The following PCDH15 variants were observed in gnomAD, a reference collection of about 807,000 sequenced individuals.
PCDH15 encodes the protein protocadherin-15.
In PCDH15, 129 loss-of-function variants were observed where a neutral mutation model predicts 178.5. The observed-to-expected ratio is 0.72, with a 90% CI of 0.63 to 0.84. The LOEUF (loss-of-function observed/expected upper bound fraction) is 0.84, where lower values mean the gene tolerates loss of function less well. PCDH15 is among the 40% of genes least tolerant of loss of function. PCDH15 has a pLI of 0.00. For synonymous variants in PCDH15, 800 were observed against 732.0 expected (o/e 1.09, Z -1.50); for missense variants, 2,230 against 2,099.9 (o/e 1.06, Z -1.21).
chr10:54,357,232 C>G (rs557207168), intron 5 of PCDH15, among the ~76,000 whole-genome samples: 1 of 152,232 alleles, frequency 6.6e-6, no homozygotes, highest in African/African-American at 2.4e-5. Context: ...TCCCTGTTTG[C>G]AGATGATGAC....
intron 26 of PCDH15, among the ~76,000 whole-genome samples, chr10:53,883,289 C>A (rs1225678800): frequency 6.6e-6 from 1 of 151,998 alleles, no homozygotes; most frequent in Non-Finnish European, 1.5e-5. Flanking sequence ...TTGTCATTAG[C>A]CAGCCATTAA....
At chr10:54,109,289 G>A (rs573213377) in intron 15 of PCDH15, among the ~76,000 whole-genome samples, 3 of 152,288 alleles carry the variant, frequency 2.0e-5, no homozygotes, top group Non-Finnish European at 4.4e-5. Context: ...TGCACTCCGT[G>A]TTTATTGCAG....
intron 20 of PCDH15, 128 bp from the exon 21 acceptor site, chr10:53,995,893 C>CCATTACTCTCATTT: frequency 2.4e-6 from 2 of 831,758 alleles, no homozygotes; most frequent in Non-Finnish European, 4.0e-6. Context: ...CCTCTCAATT[C>CCATTACTCTCATTT]CATTACTCTC....
chr10:54,327,176 C>T (rs1938311268), intron 7 of PCDH15, among the ~76,000 whole-genome samples: 1 of 106,174 alleles, frequency 9.4e-6, no homozygotes, highest in South Asian at 2.8e-4. Flanking sequence ...AAAATTATAT[C>T]TTTTTAATTG....
chr10:55,469,970 T>A (rs985458929), intron 2 of PCDH15, among the ~76,000 whole-genome samples: 1 of 152,164 alleles, frequency 6.6e-6, no homozygotes, highest in African/African-American at 2.4e-5. Flanking sequence ...TTCCACTTTT[T>A]AAAAATATTG....
At chr10:54,259,835 T>TAGTAAG (rs2057182525) in intron 8 of PCDH15, among the ~76,000 whole-genome samples, 1 of 152,126 alleles carries the variant, frequency 6.6e-6, no homozygotes, top group Non-Finnish European at 1.5e-5. Flanking sequence ...ATTATGAATA[T>TAGTAAG]ACTAAGACTT....
chr10:54,334,978 CA>C (rs1409402609), intron 6 of PCDH15, among the ~76,000 whole-genome samples: 3 of 152,146 alleles, frequency 2.0e-5, no homozygotes, highest in African/African-American at 7.2e-5. Context: ...TTCCAATAAG[CA>C]GCATCAACTT....
chr10:55,515,104 T>C (rs1049645580), intron 2 of PCDH15, among the ~76,000 whole-genome samples: 20 of 150,040 alleles, frequency 1.3e-4, no homozygotes. Context: ...TTCTCCTGCC[T>C]AAGCCTCCTG....
intron 2 of PCDH15, among the ~76,000 whole-genome samples, chr10:54,628,904 T>G (rs10740588): frequency 0.76 from 115,649 of 151,836 alleles, 44,396 homozygotes; most frequent in Non-Finnish European, 0.81. Context: ...GGCCTATATT[T>G]GGTACACCAA....
Position 55,329,913 on chromosome 10 carries a change from TAGA to T in PCDH15, c.-155-163265_-155-163263del, listed in dbSNP as rs202059999. 6.5e-3 allele frequency among the ~76,000 whole-genome samples: 983 copies of T among 151,844 alleles called. 2 individuals carry two copies. Among genetic ancestry groups the T allele is most frequent in the Non-Finnish European group, 0.01 (703 of 67,728 alleles). On this transcript the variant is annotated intron_variant, in intron 2 of 5. Coordinates refer to the PCDH15 transcript ENST00000613346. ...ATATGTAACTGTTTAATTAGGGTAA[TAGA>T]GACTCCAATGTGGACACTTCATAAT...
At chr10:53,992,805 T>C (rs1295542433) in intron 21 of PCDH15, among the ~76,000 whole-genome samples, 2 of 152,182 alleles carry the variant, frequency 1.3e-5, no homozygotes, top group Admixed American at 6.5e-5. Flanking sequence ...GAAAGCACGG[T>C]AGAAAAAAGA....
intron 3 of PCDH15, among the ~76,000 whole-genome samples, chr10:54,519,043 G>C (rs1246895756): frequency 1.3e-5 from 2 of 152,098 alleles, no homozygotes; most frequent in Admixed American, 6.5e-5. Flanking sequence ...AATAAATTAG[G>C]TATTGATGGG....
intron 8 of PCDH15, among the ~76,000 whole-genome samples, chr10:54,309,025 C>T (rs2060727593): frequency 6.6e-6 from 1 of 151,988 alleles, no homozygotes; most frequent in African/African-American, 2.4e-5. Flanking sequence ...TGGGAGCTAC[C>T]ACCTGTTTCC....
At chr10:54,546,645 C>T (rs1386465080) in intron 2 of PCDH15, among the ~76,000 whole-genome samples, 1 of 152,024 alleles carries the variant, frequency 6.6e-6, no homozygotes, top group Middle Eastern at 3.2e-3. Flanking sequence ...GAATAATAAC[C>T]TTATCACAAT....
rs76518727 is a variant in PCDH15 at position 54,964,695 on chromosome 10, G to C, written c.-79-67195C>G. The stretch of plus-strand genomic sequence containing the variant: ...AATTATGTTAATAATATCACTGATA[G>C]CGTTTGCAAGGGAACTCTAGGAAGT... On this transcript the variant is annotated intron_variant, in intron 2 of 5. Coordinates refer to the PCDH15 transcript ENST00000458638. 5.1e-3 allele frequency among the ~76,000 whole-genome samples: 780 copies of C among 152,236 alleles called. 10 individuals carry two copies. Among genetic ancestry groups the C allele is most frequent in the African/African-American group, 0.018 (756 of 41,540 alleles).
chr10:53,860,329 T>G (rs2079020605), intron 27 of PCDH15, among the ~76,000 whole-genome samples: 1 of 152,144 alleles, frequency 6.6e-6, no homozygotes, highest in Non-Finnish European at 1.5e-5. Context: ...TGGAGCCATA[T>G]GATGGAGTTC....
intron 20 of PCDH15, among the ~76,000 whole-genome samples, chr10:54,009,610 G>A (rs2092505749): frequency 6.6e-6 from 1 of 152,142 alleles, no homozygotes; most frequent in African/African-American, 2.4e-5. Context: ...AAATCCAGGT[G>A]GAGACACACT....
intron 1 of PCDH15, among the ~76,000 whole-genome samples, chr10:55,291,521 A>C (rs1843005767): frequency 6.6e-6 from 1 of 152,214 alleles, no homozygotes; most frequent in Non-Finnish European, 1.5e-5. Context: ...AATGGAAAGA[A>C]TGTTAATTTT....
In PCDH15 at chr10:53,941,483, A is replaced by G. The variant is rs569241897; in HGVS notation, c.3123-508T>C. On this transcript the variant is annotated intron_variant, in intron 23 of 37. Coordinates refer to ENST00000644397, the MANE Select transcript of PCDH15 (RefSeq NM_001384140.1). ...TAATATGCATTTAATGCTCCTCAAC[A>G]TCTATGGCTTGATTGCTTATTTCAT... 5.3e-5 allele frequency among the ~76,000 whole-genome samples: 8 copies of G among 152,222 alleles called. No homozygotes were observed. The East Asian group carries it at 1.2e-3, about 22-fold the overall frequency.
Sources: gnomAD v4.1 joint callset for allele counts (sites outside exome capture counted in the v4.1 genomes callset) on GRCh38, gnomAD v4.1.1 for gene constraint, MANE v1.5 for transcripts, NCBI Gene and HGNC (gene_info 2026-07-23, HGNC 2026-07-21) for gene names.